RYR3: variants seen among roughly 807,000 people sequenced by gnomAD.
RYR3 encodes ryanodine receptor 3.
In RYR3, 207 loss-of-function variants were observed where a neutral mutation model predicts 584.3. The observed-to-expected ratio is 0.35, with a 90% CI of 0.32 to 0.40. The LOEUF is 0.40. RYR3 is among the 10% of genes least tolerant of loss of function. The probability of loss-of-function intolerance (pLI) is 1.00; values close to 1 mark genes in which losing one functional copy is unlikely to be tolerated. For missense variants in RYR3, 5,616 were observed against 6,089.2 expected (o/e 0.92, Z 2.59); for synonymous variants, 2,416 against 2,248.5 (o/e 1.07, Z -2.11).
chr15:33,758,569 C>T (rs1288974441), intron 60 of RYR3, among the ~76,000 whole-genome samples: 2 of 152,220 alleles, frequency 1.3e-5, no homozygotes, highest in African/African-American at 4.8e-5. Flanking sequence ...CACGGCAAAG[C>T]TGCTGTAGCC....
chr15:33,850,836 T>C (rs1441790245), intron 94 of RYR3: 1 of 152,178 alleles, frequency 6.6e-6, no homozygotes, highest in Non-Finnish European at 1.5e-5. Context: ...ATCTACATTT[T>C]TGATGTTCAT....
chr15:33,549,083 A>G (rs1398732898), intron 9 of RYR3, among the ~76,000 whole-genome samples: 1 of 151,982 alleles, frequency 6.6e-6, no homozygotes, highest in African/African-American at 2.4e-5. Context: ...TTTTTTTCTG[A>G]TAAATTGGCG....
At chr15:33,431,539 G>C (rs2045146293) in intron 1 of RYR3, among the ~76,000 whole-genome samples, 2 of 152,154 alleles carry the variant, frequency 1.3e-5, no homozygotes, top group African/African-American at 4.8e-5. Context: ...GAGGTGGGCA[G>C]ATCGCTTGAG....
At chr15:33,405,701 C>T (rs921461513) in intron 1 of RYR3, among the ~76,000 whole-genome samples, 2 of 152,198 alleles carry the variant, frequency 1.3e-5, no homozygotes, top group Admixed American at 6.5e-5. Flanking sequence ...AGAAACCCAA[C>T]TCAAATGAGG....
At chr15:33,546,869 A>G (rs550230757) in intron 8 of RYR3, among the ~76,000 whole-genome samples, 1 of 152,322 alleles carries the variant, frequency 6.6e-6, no homozygotes, top group South Asian at 2.1e-4. Context: ...TCTAACATCT[A>G]AATCAGGATT....
At chr15:33,647,571 C>T (rs1195501721) in intron 30 of RYR3, 111 bp downstream of exon 30, 1 of 740,704 alleles carries the variant, frequency 1.4e-6, no homozygotes, top group South Asian at 1.7e-5. Context: ...TTGCCAATTA[C>T]TCTGTCTTTT....
chr15:33,311,068 G>A lies in RYR3; in HGVS notation c.23G>A (p.Gly8Asp), dbSNP rs534586557. MAEGGEG[G>D]EDEIQFLRTE... ...GCCATGGCCGAAGGGGGAGAAGGAG[G>A]CGAGGACGAGATCCAGTTTCTGAGG... Residue 8 changes from glycine to aspartate, a missense_variant, in exon 1 of 104, where the codon GGC becomes GAC. This residue lies in a region of RYR3 where 1,284 missense variants were observed against 1,344.6 expected (regional missense o/e 0.95). Coordinates refer to ENST00000634891, the MANE Select transcript of RYR3 (RefSeq NM_001036.6). The surrounding 1 kb of genome is among the most constrained non-coding windows in gnomAD (Gnocchi z 4.4). 1.2e-5 allele frequency: 19 copies of A among 1,582,816 alleles called. No individual in the cohort carries two copies. Among genetic ancestry groups the A allele is most frequent in the Middle Eastern group, 2.3e-4 (1 of 4,400 alleles).
intron 25 of RYR3, 93 bp from the exon 26 acceptor site, chr15:33,635,521 T>C: frequency 1.1e-6 from 1 of 914,480 alleles, no homozygotes; most frequent in Non-Finnish European, 1.7e-6. Context: ...GATGTTCTCA[T>C]CAAATTCTTT....
At chr15:33,553,793 C>T (rs994747547) in intron 10 of RYR3, among the ~76,000 whole-genome samples, 13 of 152,146 alleles carry the variant, frequency 8.5e-5, no homozygotes, top group African/African-American at 3.1e-4. Flanking sequence ...GGCCTTGATT[C>T]TCATCTGCTC....
chr15:33,384,776 C>T (rs1213776039), intron 1 of RYR3, among the ~76,000 whole-genome samples: 1 of 151,804 alleles, frequency 6.6e-6, no homozygotes, highest in Non-Finnish European at 1.5e-5. Flanking sequence ...ATAATGGATC[C>T]CCTGAACTTA....
At chr15:33,638,668 G>T (rs1468024055) in intron 27 of RYR3, among the ~76,000 whole-genome samples, 2 of 152,160 alleles carry the variant, frequency 1.3e-5, no homozygotes, top group Non-Finnish European at 2.9e-5. Flanking sequence ...GAGAGCAGTG[G>T]TCTAAAGCAT....
intron 1 of RYR3, among the ~76,000 whole-genome samples, chr15:33,355,909 C>T (rs1973909043): frequency 6.6e-6 from 1 of 152,196 alleles, no homozygotes; most frequent in Non-Finnish European, 1.5e-5. Flanking sequence ...TGAAATATGT[C>T]ATTTGTCTAT....
chr15:33,778,672 G>A (rs2074185630), intron 64 of RYR3, among the ~76,000 whole-genome samples: 1 of 152,246 alleles, frequency 6.6e-6, no homozygotes, highest in South Asian at 2.1e-4. Context: ...CTGCGTCTCA[G>A]CAGTCTCCGT....
chr15:33,391,639 A>T (rs1447531738), intron 1 of RYR3, among the ~76,000 whole-genome samples: 1 of 152,110 alleles, frequency 6.6e-6, no homozygotes, highest in African/African-American at 2.4e-5. Flanking sequence ...AAAAAAAAAA[A>T]AAATTAAAAT....
chr15:33,647,048 G>A (rs942894168), intron 29 of RYR3, among the ~76,000 whole-genome samples: 1 of 152,308 alleles, frequency 6.6e-6, no homozygotes, highest in South Asian at 2.1e-4. Flanking sequence ...TCTGCTGCCT[G>A]GAGCCGTCTT....
Position 33,646,401 on chromosome 15 carries a change from G to T in RYR3, c.3816G>T (p.Thr1272=), listed in dbSNP as rs770156777. 1.2e-6 allele frequency: 2 copies of T among 1,613,646 alleles called. No homozygotes were observed. The highest frequency in any genetic ancestry group is 2.2e-5 in the South Asian group (2 of 91,034). Residue 1272 remains threonine, a synonymous_variant, in exon 29 of 104, where the codon ACG becomes ACT. Coordinates refer to ENST00000634891, the MANE Select transcript of RYR3 (RefSeq NM_001036.6). The part of the protein sequence containing the change: ...TMDSPPCLKV[T]HKTFGTQNSN... ...ACAGCCCTCCGTGTCTCAAGGTGAC[G>T]CATAAGACATTTGGCACACAGAATA...
intron 1 of RYR3, among the ~76,000 whole-genome samples, chr15:33,414,026 C>A (rs553248145): frequency 1.2e-4 from 18 of 152,162 alleles, no homozygotes; most frequent in Non-Finnish European, 2.4e-4. Flanking sequence ...TGCTACTATA[C>A]TAATAAAACA....
intron 19 of RYR3, among the ~76,000 whole-genome samples, chr15:33,616,839 G>A (rs1211122351): frequency 1.3e-5 from 2 of 152,338 alleles, no homozygotes; most frequent in African/African-American, 4.8e-5. Flanking sequence ...GGTCTGTGTA[G>A]TTGGGAAATA....
chr15:33,475,816 C>T (rs77381764), intron 2 of RYR3, among the ~76,000 whole-genome samples: 6,320 of 152,274 alleles, frequency 0.042, 169 homozygotes, highest in African/African-American at 0.074. Flanking sequence ...GTTCGTAAAT[C>T]GCCTAGTGCA....
Sources: gnomAD v4.1 joint callset for allele counts (sites outside exome capture counted in the v4.1 genomes callset) on GRCh38, gnomAD v4.1.1 for gene constraint, gnomAD v4.1.1 regional missense constraint, Gnocchi (gnomAD v3.1) non-coding constraint, MANE v1.5 for transcripts, NCBI Gene and HGNC (gene_info 2026-07-23, HGNC 2026-07-21) for gene names.